The following ANKRD28 variants were observed in gnomAD, a reference collection of about 807,000 sequenced individuals.
The protein encoded by ANKRD28 is ankyrin repeat domain 28.
A neutral mutation model predicts 126.5 loss-of-function variants in ANKRD28; 44 were observed. The ratio of observed to expected loss-of-function variants is 0.35; its 90% CI spans 0.27 to 0.45. ANKRD28 has a LOEUF of 0.45. Ranked by LOEUF, ANKRD28 falls within the 20% of genes least tolerant of loss-of-function variation. The probability of loss-of-function intolerance (pLI) is 1.00; values close to 1 mark genes in which losing one functional copy is unlikely to be tolerated. For missense variants in ANKRD28, 1,110 were observed against 1,316.6 expected (o/e 0.84, Z 2.43); for synonymous variants, 442 against 468.5 (o/e 0.94, Z 0.73).
chr3:15,832,864 C>T (rs1251553256), intron 1 of ANKRD28, among the ~76,000 whole-genome samples: 1 of 152,192 alleles, frequency 6.6e-6, no homozygotes, highest in East Asian at 1.9e-4. Context: ...CACGTATATG[C>T]TACGGTGAAT....
At chr3:15,711,183 TAAAG>T in intron 12 of ANKRD28, 24 bp downstream of exon 12, 1 of 1,580,438 alleles carries the variant, frequency 6.3e-7, no homozygotes, top group Non-Finnish European at 8.6e-7. Flanking sequence ...TATCTTTTCT[TAAAG>T]AAATAAAAAT....
chr3:15,780,112 A>AC (rs1273846914), intron 2 of ANKRD28, among the ~76,000 whole-genome samples: 6 of 152,320 alleles, frequency 3.9e-5, no homozygotes, highest in African/African-American at 1.4e-4. Context: ...AGGCATCCTA[A>AC]TAAAAAAGAA....
intron 3 of ANKRD28, among the ~76,000 whole-genome samples, chr3:15,753,023 G>A (rs1176875011): frequency 6.6e-6 from 1 of 152,126 alleles, no homozygotes; most frequent in East Asian, 1.9e-4. Flanking sequence ...GGAGGTGTAA[G>A]AAACATCCAC....
chr3:15,672,368 C>T (rs1257414139), intron 27 of ANKRD28, among the ~76,000 whole-genome samples: 1 of 152,112 alleles, frequency 6.6e-6, no homozygotes, highest in African/African-American at 2.4e-5. Context: ...TCTCAAACTG[C>T]TGGCTTTAAG....
intron 1 of ANKRD28, among the ~76,000 whole-genome samples, chr3:15,847,467 A>G (rs2061553400): frequency 6.6e-6 from 1 of 152,164 alleles, no homozygotes; most frequent in Admixed American, 6.5e-5. Context: ...TTATCACCTA[A>G]AAGCCCAGCC....
chr3:15,781,674 T>C (rs1002823885), intron 2 of ANKRD28: 2 of 152,112 alleles, frequency 1.3e-5, no homozygotes, highest in Non-Finnish European at 2.9e-5. Flanking sequence ...TAAAAGAAAA[T>C]TACCATTTCA....
At chr3:15,742,260 C>T (rs2057097942) in intron 4 of ANKRD28, among the ~76,000 whole-genome samples, 1 of 151,446 alleles carries the variant, frequency 6.6e-6, no homozygotes, top group Non-Finnish European at 1.5e-5. Context: ...AGGAGCGTCT[C>T]TGCCCGGCCG....
chr3:15,724,556 G>A, intron 6 of ANKRD28, 32 bp from the exon 7 acceptor site: 3 of 1,531,534 alleles, frequency 2.0e-6, no homozygotes, highest in Non-Finnish European at 2.6e-6. Flanking sequence ...AAAAAATAGA[G>A]ATGAGCATAT....
rs532007233 is a variant in ANKRD28 at position 15,743,165 on chromosome 3, T to C, written c.352-5932A>G. 9.2e-5 allele frequency among the ~76,000 whole-genome samples: 14 copies of C among 152,214 alleles called. No homozygotes were observed. The East Asian group carries it at 2.7e-3, about 29-fold the overall frequency. ...TGCAAGATGTGCTTTGTTAAACAGA[T>C]GCTTGAAGGCAGCATGCTCGTTAAG... On this transcript the variant is annotated intron_variant, in intron 4 of 27. Transcript: ENST00000683139.
intron 4 of ANKRD28, among the ~76,000 whole-genome samples, chr3:15,742,261 T>C (rs1438877904): frequency 6.6e-6 from 1 of 150,584 alleles, no homozygotes; most frequent in African/African-American, 2.5e-5. Flanking sequence ...GGAGCGTCTC[T>C]GCCCGGCCGC....
intron 14 of ANKRD28, 92 bp downstream of exon 14, chr3:15,707,832 G>A: frequency 4.1e-6 from 6 of 1,450,760 alleles, no homozygotes; most frequent in Middle Eastern, 2.1e-4. Flanking sequence ...AAAATACAAA[G>A]AGGAAACACA....
Position 15,678,292 on chromosome 3 carries a change from T to C in ANKRD28, c.2624A>G (p.His875Arg). Residue 875 changes from histidine to arginine, a missense_variant, in exon 24 of 28, where the codon CAT becomes CGT. By Grantham distance (29) the His-to-Arg change is conservative. Transcript: ENST00000683139. ...HVECLQLLLS[H>R]NAQVNSVDST... ...GTCCACAGAATTGACTTGAGCATTA[T>C]GGCTGAGCAGCAGCTGTAAACACTC... The C allele has an allele frequency of 6.2e-7, 1 of 1,613,248 alleles. No individual in the cohort carries two copies. Among genetic ancestry groups the C allele is most frequent in the Non-Finnish European group, 8.5e-7 (1 of 1,179,690 alleles).
At chr3:15,704,824 A>G (rs1445762877) in intron 14 of ANKRD28, among the ~76,000 whole-genome samples, 1 of 152,200 alleles carries the variant, frequency 6.6e-6, no homozygotes, top group Admixed American at 6.5e-5. Flanking sequence ...TATATTTTCC[A>G]CTAGGCTCCC....
chr3:15,735,995 T>G (rs1210897478), intron 5 of ANKRD28, among the ~76,000 whole-genome samples: 3 of 152,216 alleles, frequency 2.0e-5, no homozygotes, highest in Admixed American at 2.0e-4. Flanking sequence ...ATTTCTCCAC[T>G]GGAAGGCTAC....
At chr3:15,711,158 C>A in intron 12 of ANKRD28, 53 bp downstream of exon 12, 1 of 1,416,288 alleles carries the variant, frequency 7.1e-7, no homozygotes, top group Admixed American at 1.9e-5. Flanking sequence ...TAAGAGAAAA[C>A]CTGCCATGAC....
chr3:15,685,262 G>A lies in ANKRD28; in HGVS notation c.2353C>T (p.His785Tyr), dbSNP rs2067978894. Residue 785 changes from histidine to tyrosine, a missense_variant, in exon 21 of 28, where the codon CAT becomes TAT. Coordinates refer to ENST00000683139, the MANE Select transcript of ANKRD28 (RefSeq NM_001349278.2). Reference sequence around the variant, plus strand: ...GCCCAGTGAAGTGCCGTATATCCATGATTGTCTGCTGTGGCTGGATTTGCA... The same window carrying A: ...GCCCAGTGAAGTGCCGTATATCCATAATTGTCTGCTGTGGCTGGATTTGCA... ...MDANPATADN[H>Y]GYTALHWACY... is the part of the protein sequence containing the mutation. 3.1e-6 allele frequency: 5 copies of A among 1,613,864 alleles called. No individual in the cohort carries two copies. Among genetic ancestry groups the A allele is most frequent in the Non-Finnish European group, 3.4e-6 (4 of 1,179,876 alleles).
intron 1 of ANKRD28, 35 bp from the exon 2 acceptor site, chr3:15,795,341 C>T: frequency 7.1e-7 from 1 of 1,401,958 alleles, no homozygotes; most frequent in South Asian, 1.2e-5. Context: ...ACATTAGAAT[C>T]ATCCATGTGG....
At chr3:15,710,092 T>C in intron 12 of ANKRD28, among the ~76,000 whole-genome samples, 1 of 151,390 alleles carries the variant, frequency 6.6e-6, no homozygotes, top group Non-Finnish European at 1.5e-5. Flanking sequence ...TAGAGTCCAG[T>C]GATGCAACCA....
intron 3 of ANKRD28, among the ~76,000 whole-genome samples, chr3:15,758,578 G>A (rs113984821): frequency 4.6e-5 from 7 of 152,232 alleles, no homozygotes; most frequent in African/African-American, 1.7e-4. Context: ...TTTGCAAAAA[G>A]ACATGGACAG....
Sources: allele counts gnomAD v4.1 joint callset (sites outside exome capture counted in the v4.1 genomes callset), GRCh38; gene constraint gnomAD v4.1.1; transcripts MANE v1.5; gene names NCBI Gene and HGNC (gene_info 2026-07-23, HGNC 2026-07-21).